ZEB1: variants seen among roughly 807,000 people sequenced by gnomAD.
ZEB1 encodes zinc finger E-box binding homeobox 1.
Under a neutral mutation model 84.9 loss-of-function variants are expected in ZEB1, and 21 were observed. That is an observed-to-expected ratio of 0.25 (90% CI 0.18 to 0.36). The LOEUF (loss-of-function observed/expected upper bound fraction) is 0.36. Among genes scored for constraint, ZEB1 ranks in the 10% least tolerant of loss-of-function variants. The pLI, the probability that ZEB1 is intolerant of heterozygous loss-of-function variation, is 1.00. For synonymous variants in ZEB1, 420 were observed against 471.1 expected (o/e 0.89, Z 1.41); for missense variants, 1,104 against 1,330.2 (o/e 0.83, Z 2.65).
chr10:31,456,441 T>C (rs2061249733), intron 1 of ZEB1, among the ~76,000 whole-genome samples: 1 of 152,130 alleles, frequency 6.6e-6, no homozygotes, highest in Admixed American at 6.6e-5. Flanking sequence ...TATGCTGTAA[T>C]ACACTGTTCA....
chr10:31,463,284 T>G (rs1472496492), intron 2 of ZEB1, among the ~76,000 whole-genome samples: 1 of 152,166 alleles, frequency 6.6e-6, no homozygotes, highest in Non-Finnish European at 1.5e-5. Flanking sequence ...TTCGATTATT[T>G]GAACTAACCC....
chr10:31,360,727 T>C (rs1014500664), intron 1 of ZEB1, among the ~76,000 whole-genome samples: 1 of 152,358 alleles, frequency 6.6e-6, no homozygotes, highest in East Asian at 1.9e-4. Context: ...CGTTGAAATA[T>C]TTTATGAATA....
intron 3 of ZEB1, among the ~76,000 whole-genome samples, chr10:31,500,234 G>C (rs2067926629): frequency 6.6e-6 from 1 of 152,038 alleles, no homozygotes; most frequent in Admixed American, 6.6e-5. Context: ...AAAAATTGAA[G>C]TTGCTTTGAA....
chr10:31,448,556 G>A (rs1402082312), intron 1 of ZEB1, among the ~76,000 whole-genome samples: 1 of 150,912 alleles, frequency 6.6e-6, no homozygotes, highest in East Asian at 1.9e-4. Flanking sequence ...ATCTACTTTT[G>A]GTCTTTGATG....
At position 31,529,051 on chromosome 10, in the gene ZEB1, A is replaced by C. The variant is rs1834663349; in HGVS notation, c.*1787A>C. On this transcript the variant is annotated 3_prime_UTR_variant, in exon 9 of 9. Coordinates refer to ENST00000424869, the MANE Select transcript of ZEB1 (RefSeq NM_001174096.2). ...ACTTCTATAAACAGTGTTGGGAACA[A>C]TGTTTAACATTTTGTGCCAATTTGT... is the stretch of plus-strand genomic sequence containing the variant. The C allele has an allele frequency of 6.6e-6, 1 of 152,182 alleles. No homozygotes were observed. The highest frequency in any genetic ancestry group is 2.1e-4 in the South Asian group (1 of 4,834). The allele number at this position is 152,182 out of a possible 1,614,324, so 9.4% of individuals were successfully genotyped here.
intron 1 of ZEB1, among the ~76,000 whole-genome samples, chr10:31,460,031 C>T (rs949783225): frequency 6.6e-6 from 1 of 151,904 alleles, no homozygotes; most frequent in Non-Finnish European, 1.5e-5. Flanking sequence ...CTCCCTTCTT[C>T]CGAATCTTTT....
Position 31,527,056 on chromosome 10 carries a change from G to T in ZEB1, c.3170G>T (p.Cys1057Phe), listed in dbSNP as rs1199619327. ...EMEELQEEKE[C>F]EKPQGDEEEE... ...GAAGAATTGCAGGAAGAAAAAGAAT[G>T]TGAAAAACCACAAGGGGATGAGGAA... Residue 1057 changes from cysteine to phenylalanine, a missense_variant, in exon 9 of 9, where the codon TGT becomes TTT. By Grantham distance (205) the Cys-to-Phe change is radical. Coordinates refer to ENST00000424869, the MANE Select transcript of ZEB1 (RefSeq NM_001174096.2). The T allele has an allele frequency of 3.2e-6, 5 of 1,584,076 alleles. No individual in the cohort carries two copies. Among genetic ancestry groups the T allele is most frequent in the Non-Finnish European group, 4.3e-6 (5 of 1,163,020 alleles).
chr10:31,373,237 A>G, intron 1 of ZEB1: 3 of 984,340 alleles, frequency 3.0e-6, no homozygotes, highest in Non-Finnish European at 3.6e-6. Context: ...CCAATGTATT[A>G]TATTTGAATT....
chr10:31,441,538 A>G (rs1310310267), intron 1 of ZEB1, among the ~76,000 whole-genome samples: 2 of 152,210 alleles, frequency 1.3e-5, no homozygotes, highest in Non-Finnish European at 2.9e-5. Flanking sequence ...AATGGCAACA[A>G]AAGCCAAAAT....
intron 1 of ZEB1, among the ~76,000 whole-genome samples, chr10:31,331,732 A>T (rs1298663040): frequency 6.6e-6 from 1 of 152,210 alleles, no homozygotes; most frequent in Non-Finnish European, 1.5e-5. Flanking sequence ...TATTCCATAC[A>T]GGGGGAATAT....
At chr10:31,336,236 T>G (rs940797332) in intron 1 of ZEB1, among the ~76,000 whole-genome samples, 1 of 152,178 alleles carries the variant, frequency 6.6e-6, no homozygotes, top group African/African-American at 2.4e-5. Flanking sequence ...AACTAAGAGA[T>G]AATAGCAAGA....
rs190841761 is a variant in ZEB1, at chr10:31,398,026, T to C, written c.59-63011T>C. Among the ~76,000 whole-genome samples, 296 of 152,338 alleles carry C rather than the reference T, an allele frequency of 1.9e-3. 1 individual carries two copies. Among genetic ancestry groups the C allele is most frequent in the African/African-American group, 6.4e-3 (268 of 41,566 alleles). On this transcript the variant is annotated intron_variant, in intron 1 of 8. Transcript: ENST00000424869. ...TAGTTTCGCTTTCTAAAGTCTGGAT[T>C]TGAAAGTGTATGAACAAAGTGTGGA...
At chr10:31,366,020 G>A (rs1564607738) in intron 1 of ZEB1, among the ~76,000 whole-genome samples, 1 of 152,152 alleles carries the variant, frequency 6.6e-6, no homozygotes, top group Non-Finnish European at 1.5e-5. Context: ...AGGCAGTTGC[G>A]AGCTGCTGGC....
chr10:31,520,577 T>C lies in ZEB1; in HGVS notation c.1245T>C (p.Asn415=). 1.2e-6 allele frequency: 2 copies of C among 1,614,032 alleles called. No homozygotes were observed. Among genetic ancestry groups the C allele is most frequent in the Non-Finnish European group, 8.5e-7 (1 of 1,179,966 alleles). The part of the protein sequence containing the change: ...PISINLSDIQ[N]VLKVAVDGNV... ...GTATCAATTTAAGTGATATTCAGAA[T>C]GTACTTAAAGTGGCGGTAGATGGTA... is the stretch of plus-strand genomic sequence containing the variant. Residue 415 remains asparagine, a synonymous_variant, in exon 7 of 9, where the codon AAT becomes AAC. Transcript: ENST00000424869. The surrounding 1 kb of genome is among the most constrained non-coding windows in gnomAD (Gnocchi z 5.1).
chr10:31,492,035 A>G (rs2066603550), intron 2 of ZEB1, among the ~76,000 whole-genome samples: 1 of 151,904 alleles, frequency 6.6e-6, no homozygotes, highest in Admixed American at 6.6e-5. Context: ...GGAATAGGGT[A>G]GGAATAGCAG....
chr10:31,456,455 A>G (rs2061252425), intron 1 of ZEB1, among the ~76,000 whole-genome samples: 1 of 152,146 alleles, frequency 6.6e-6, no homozygotes, highest in African/African-American at 2.4e-5. Flanking sequence ...CTGTTCAAAT[A>G]TTATGAGATT....
chr10:31,364,743 C>G (rs2044124551), intron 1 of ZEB1, among the ~76,000 whole-genome samples: 1 of 152,228 alleles, frequency 6.6e-6, no homozygotes. Flanking sequence ...ATGGCCCAGC[C>G]AGGCTTTGAA....
chr10:31,340,942 T>C (rs1296984156), intron 1 of ZEB1, among the ~76,000 whole-genome samples: 1 of 152,054 alleles, frequency 6.6e-6, no homozygotes, highest in Non-Finnish European at 1.5e-5. Context: ...ACATGGAATG[T>C]TCTGGACATA....
Position 31,526,766 on chromosome 10 carries a change from C to G in ZEB1, c.2880C>G (p.Pro960=). 6.2e-7 allele frequency: 1 copy of G among 1,614,084 alleles called. No individual in the cohort carries two copies. Among genetic ancestry groups the G allele is most frequent in the Non-Finnish European group, 8.5e-7 (1 of 1,180,008 alleles). ...EHMRLHSGEK[P]YQCDKCGKRF... ...TGCGATTACATTCTGGAGAAAAGCCCTATCAATGTGACAAATGTGGAAAGC... is the reference window on the plus strand; with the variant it reads ...TGCGATTACATTCTGGAGAAAAGCCGTATCAATGTGACAAATGTGGAAAGC... Residue 960 remains proline, a synonymous_variant, in exon 9 of 9, where the codon CCC becomes CCG. Transcript: ENST00000424869.
Sources: allele counts gnomAD v4.1 joint callset (sites outside exome capture counted in the v4.1 genomes callset), GRCh38; gene constraint gnomAD v4.1.1; non-coding constraint Gnocchi (gnomAD v3.1); transcripts MANE v1.5; gene names NCBI Gene and HGNC (gene_info 2026-07-23, HGNC 2026-07-21).